NRIP3: variants seen among roughly 807,000 people sequenced by gnomAD.
The protein encoded by NRIP3 is nuclear receptor interacting protein 3.
In NRIP3, 31 loss-of-function variants were observed where a neutral mutation model predicts 29.0. The ratio of observed to expected loss-of-function variants is 1.07; its 90% CI spans 0.80 to 1.44. NRIP3 has a LOEUF of 1.44. NRIP3 is among the 40% of genes most tolerant of loss of function. The pLI, the probability that NRIP3 is intolerant of heterozygous loss-of-function variation, is 0.00. For missense variants in NRIP3, 314 were observed against 297.9 expected (o/e 1.05, Z -0.40); for synonymous variants, 131 against 118.3 (o/e 1.11, Z -0.70).
intron 4 of NRIP3, among the ~76,000 whole-genome samples, chr11:8,985,031 A>G (rs1174278670): frequency 2.0e-5 from 3 of 151,766 alleles, no homozygotes; most frequent in African/African-American, 7.3e-5. Flanking sequence ...TTGTATTTTT[A>G]GTACAGACGG....
chr11:8,987,596 G>T lies in NRIP3; in HGVS notation c.374C>A (p.Thr125Lys), dbSNP rs745765812. Residue 125 changes from threonine to lysine, a missense_variant, in exon 3 of 7, where the codon ACA becomes AAA. Coordinates refer to ENST00000309166, the MANE Select transcript of NRIP3 (RefSeq NM_020645.3). ...AGKDVKALVDTGCLYNLISLA... is the reference protein window; with the variant it reads ...AGKDVKALVDKGCLYNLISLA... The stretch of plus-strand genomic sequence containing the variant: ...AGAGATGAGATTATATAGGCAGCCT[G>T]TGTCAACCAAGGCTTTCACATCCTT... The T allele has an allele frequency of 1.2e-6, 2 of 1,614,094 alleles. No individual in the cohort carries two copies. Among genetic ancestry groups the T allele is most frequent in the Admixed American group, 1.7e-5 (1 of 60,022 alleles).
intron 1 of NRIP3, among the ~76,000 whole-genome samples, chr11:8,989,267 G>A (rs1390924077): frequency 6.6e-6 from 1 of 152,196 alleles, no homozygotes; most frequent in Non-Finnish European, 1.5e-5. Context: ...TTTGACTGGA[G>A]AAATTTGTAT....
intron 1 of NRIP3, among the ~76,000 whole-genome samples, chr11:9,003,557 G>T (rs1854848821): frequency 6.6e-6 from 1 of 152,230 alleles, no homozygotes; most frequent in South Asian, 2.1e-4. Context: ...GCCGAGGGGA[G>T]CGCAAGCTAG....
At chr11:8,993,901 G>A (rs1770423644) in intron 1 of NRIP3, among the ~76,000 whole-genome samples, 1 of 151,720 alleles carries the variant, frequency 6.6e-6, no homozygotes, top group African/African-American at 2.4e-5. Flanking sequence ...TTGGAGATAT[G>A]GAGATCCCTA....
chr11:8,984,759 A>C (rs931293585), intron 4 of NRIP3, among the ~76,000 whole-genome samples: 1 of 151,936 alleles, frequency 6.6e-6, no homozygotes, highest in African/African-American at 2.4e-5. Flanking sequence ...ATGGCAAAGG[A>C]GTAAGTAAGT....
At position 8,981,466 on chromosome 11, in the gene NRIP3, T is replaced by TTA. The variant is rs1555230526; in HGVS notation, c.*2078_*2079insTA. ...CTGGGCAACAGAGTGAGACTCTGTC[T>TTA]AAAAAAAAAAAAAAAAAAAGAATAA... On this transcript the variant is annotated 3_prime_UTR_variant, in exon 7 of 7. Coordinates refer to ENST00000309166, the MANE Select transcript of NRIP3 (RefSeq NM_020645.3). 1 of 114,880 alleles carries TTA rather than the reference T, an allele frequency of 8.7e-6. No homozygotes were observed. Among genetic ancestry groups the TTA allele is most frequent in the East Asian group, 2.5e-4 (1 of 3,984 alleles). 7.1% of individuals were successfully genotyped at this position (114,880 alleles called of 1,614,324 possible). A position where few individuals can be genotyped will look rare whatever the true frequency, so the allele number is the denominator to read the frequency against.
chr11:8,983,647 T>C (rs549526031), intron 6 of NRIP3, 87 bp from the exon 7 acceptor site: 1 of 1,271,746 alleles, frequency 7.9e-7, no homozygotes, highest in East Asian at 2.4e-5. Context: ...CTTTCAAAGC[T>C]AGTCATTTCC....
intron 1 of NRIP3, among the ~76,000 whole-genome samples, chr11:8,989,466 G>A (rs1301914498): frequency 6.6e-6 from 1 of 152,198 alleles, no homozygotes; most frequent in Non-Finnish European, 1.5e-5. Flanking sequence ...TTCAAGGGGA[G>A]GGGCTGGCAC....
intron 1 of NRIP3, among the ~76,000 whole-genome samples, chr11:9,002,528 A>AAATTATACTGTGTAT (rs11273145): frequency 0.94 from 138,738 of 147,758 alleles, 65,774 homozygotes; most frequent in East Asian, 1. Flanking sequence ...GGGAGGAGAA[A>AAATTATACTGTGTAT]AATTTTTGTA....
chr11:9,004,064 G>C, upstream of NRIP3: 1 of 898,046 alleles, frequency 1.1e-6, no homozygotes, highest in East Asian at 3.4e-5. Context: ...AGCAGCCAGT[G>C]CGCGCGCGGG....
chr11:8,991,573 C>A (rs1487565503), intron 1 of NRIP3, among the ~76,000 whole-genome samples: 1 of 151,816 alleles, frequency 6.6e-6, no homozygotes, highest in African/African-American at 2.4e-5. Context: ...ACAAAAAGAA[C>A]AATAAAGAAG....
intron 1 of NRIP3, among the ~76,000 whole-genome samples, chr11:8,997,427 A>G (rs1032243200): frequency 6.6e-6 from 1 of 152,044 alleles, no homozygotes; most frequent in Non-Finnish European, 1.5e-5. Context: ...GATGCTGCAG[A>G]TACCCTGGTG....
chr11:8,996,962 C>T (rs1854717993), intron 1 of NRIP3, among the ~76,000 whole-genome samples: 1 of 151,960 alleles, frequency 6.6e-6, no homozygotes, highest in Admixed American at 6.5e-5. Flanking sequence ...GCCTGTAGTC[C>T]CAGCTATTTG....
intron 1 of NRIP3, among the ~76,000 whole-genome samples, chr11:8,998,919 G>A (rs941190797): frequency 7.5e-5 from 11 of 146,770 alleles, no homozygotes; most frequent in South Asian, 2.3e-4. Flanking sequence ...TCAGCCTCCC[G>A]AGTTTCCCGA....
intron 2 of NRIP3, 27 bp downstream of exon 2, chr11:8,988,091 C>G: frequency 6.2e-7 from 1 of 1,610,678 alleles, no homozygotes; most frequent in South Asian, 1.1e-5. Context: ...CCAGAAAACC[C>G]TGGAAAAGCT....
At chr11:9,003,417 T>G (rs1589967252) in intron 1 of NRIP3, among the ~76,000 whole-genome samples, 1 of 152,018 alleles carries the variant, frequency 6.6e-6, no homozygotes, top group Non-Finnish European at 1.5e-5. Flanking sequence ...CCACACAGCA[T>G]AGGAGGCACA....
rs969645174 is a variant in NRIP3, at chr11:8,981,711, A to T, written c.*1834T>A. ...AAGAGAATGGGGTGTTGCTAGAGGG[A>T]GTGCTGAAGGCTGGTAACCCCGGGA... On this transcript the variant is annotated 3_prime_UTR_variant, in exon 7 of 7. Transcript: ENST00000309166. 1.3e-5 allele frequency: 2 copies of T among 152,112 alleles called. No homozygotes were observed. The highest frequency in any genetic ancestry group is 6.5e-5 in the Admixed American group (1 of 15,268). The allele number at this position is 152,112 out of a possible 1,614,324, so 9.4% of individuals were successfully genotyped here.
chr11:8,987,457 G>A, intron 3 of NRIP3, 91 bp downstream of exon 3: 3 of 937,816 alleles, frequency 3.2e-6, no homozygotes, highest in Non-Finnish European at 5.3e-6. Context: ...TTGAGCTGCT[G>A]TAGAGACCCT....
At chr11:9,004,483 GGCCCGGAGGACTGGCGA>G (rs1854881550), upstream of NRIP3, 1 of 152,346 alleles carries the variant, frequency 6.6e-6, no homozygotes, top group African/African-American at 2.4e-5. Flanking sequence ...CCACCGCCCG[GGCCCGGAGGACTGGCGA>G]CTCCCTCCGA....
Sources: gnomAD v4.1 joint callset for allele counts (sites outside exome capture counted in the v4.1 genomes callset) on GRCh38, gnomAD v4.1.1 for gene constraint, MANE v1.5 for transcripts, NCBI Gene and HGNC (gene_info 2026-07-23, HGNC 2026-07-21) for gene names.